WWOX: variants seen among roughly 807,000 people sequenced by gnomAD.
The protein encoded by WWOX is WW domain-containing oxidoreductase.
WWOX carries 69 observed loss-of-function variants against 46.2 expected under a neutral mutation model. The observed-to-expected ratio is 1.49, with a 90% CI of 1.23 to 1.82. WWOX has a LOEUF of 1.82. WWOX is among the 40% of genes most tolerant of loss of function. The pLI is 0.00. For missense variants in WWOX, 919 were observed against 542.6 expected (o/e 1.69, Z -6.89); for synonymous variants, 359 against 202.6 (o/e 1.77, Z -6.56).
chr16:78,584,479 G>A (rs2045144362), intron 8 of WWOX, among the ~76,000 whole-genome samples: 1 of 152,196 alleles, frequency 6.6e-6, no homozygotes, highest in Admixed American at 6.5e-5. Context: ...TGCTGAGTTT[G>A]CTGTGAGGAT....
intron 8 of WWOX, among the ~76,000 whole-genome samples, chr16:78,619,271 T>A (rs1216740591): frequency 1.2e-4 from 13 of 112,354 alleles, no homozygotes; most frequent in African/African-American, 4.1e-4. Flanking sequence ...GGCTGAGACA[T>A]GAGAATCGCT....
chr16:79,045,759 C>G (rs539528672), intron 8 of WWOX, among the ~76,000 whole-genome samples: 1 of 127,044 alleles, frequency 7.9e-6, no homozygotes, highest in Non-Finnish European at 1.6e-5. Flanking sequence ...CTCTGGAGCT[C>G]GTCTTTCCTT....
chr16:78,699,958 C>G (rs9931625), intron 8 of WWOX, among the ~76,000 whole-genome samples: 2,890 of 152,148 alleles, frequency 0.019, 33 homozygotes, highest in South Asian at 0.042. Context: ...CACAAGGTAA[C>G]TGGGGCACTC....
chr16:78,218,729 TG>T (rs1167265684), intron 5 of WWOX, among the ~76,000 whole-genome samples: 1 of 152,238 alleles, frequency 6.6e-6, no homozygotes, highest in Non-Finnish European at 1.5e-5. Flanking sequence ...GGGCCCTTTC[TG>T]GTTCAGAATG....
chr16:78,723,980 G>A (rs1244545367), intron 8 of WWOX, among the ~76,000 whole-genome samples: 3 of 152,098 alleles, frequency 2.0e-5, no homozygotes, highest in Non-Finnish European at 4.4e-5. Context: ...GGCCTCCATG[G>A]TACCCTCTGA....
At chr16:79,208,939 A>G (rs1212071827) in intron 8 of WWOX, among the ~76,000 whole-genome samples, 1 of 152,222 alleles carries the variant, frequency 6.6e-6, no homozygotes, top group East Asian at 1.9e-4. Flanking sequence ...GTGAGTACCC[A>G]TGAGCACCAA....
intron 8 of WWOX, among the ~76,000 whole-genome samples, chr16:78,745,522 CTTTTTTTTTTTTTT>C: frequency 1.1e-5 from 1 of 92,746 alleles, no homozygotes; most frequent in South Asian, 3.7e-4. Flanking sequence ...TGTGGAAATC[CTTTTTTTTTTTTTT>C]TTTTTTTTTG....
At chr16:78,985,680 A>C (rs1184447739) in intron 8 of WWOX, among the ~76,000 whole-genome samples, 1 of 152,192 alleles carries the variant, frequency 6.6e-6, no homozygotes, top group Non-Finnish European at 1.5e-5. Context: ...GAGGCAGGAG[A>C]ATTGCTTGAA....
At chr16:78,268,864 CT>C (rs2079420124) in intron 5 of WWOX, among the ~76,000 whole-genome samples, 1 of 151,928 alleles carries the variant, frequency 6.6e-6, no homozygotes, top group Non-Finnish European at 1.5e-5. Context: ...AATTATAGAG[CT>C]GTCTAAAGGA....
rs1567519434 is a variant in WWOX, at chr16:78,728,047, C to CGT, written c.1056+295295_1056+295296insGT. ...TAACTCCCTTCCTCTTTCCTCTCTC[C>CGT]CTCCTTCCTTTTTTTTTTTTTTTTT... On this transcript the variant is annotated intron_variant, in intron 8 of 8. Coordinates refer to ENST00000566780, the MANE Select transcript of WWOX (RefSeq NM_016373.4). Among the ~76,000 whole-genome samples, 40 of 94,748 alleles carry CGT rather than the reference C, an allele frequency of 4.2e-4. No individual in the cohort carries two copies. In the East Asian group the frequency reaches 6.8e-3, roughly 16 times the overall value. 62.2% of individuals were successfully genotyped at this position (94,748 alleles called of 152,430 possible).
chr16:78,959,094 A>T (rs2046224484), intron 8 of WWOX, among the ~76,000 whole-genome samples: 2 of 152,190 alleles, frequency 1.3e-5, no homozygotes, highest in African/African-American at 2.4e-5. Context: ...TGAGATTAGT[A>T]AGACCATCTT....
intron 8 of WWOX, among the ~76,000 whole-genome samples, chr16:79,067,137 C>G (rs1040013816): frequency 1.3e-5 from 2 of 152,230 alleles, no homozygotes; most frequent in African/African-American, 4.8e-5. Flanking sequence ...TGTCTAGGGC[C>G]TGTCTGGGGC....
At chr16:78,660,496 G>A (rs1190708346) in intron 8 of WWOX, among the ~76,000 whole-genome samples, 1 of 152,096 alleles carries the variant, frequency 6.6e-6, no homozygotes, top group Non-Finnish European at 1.5e-5. Context: ...AACATTCAAA[G>A]CTCCTTCTGT....
intron 8 of WWOX, chr16:78,898,759 A>G (rs1490125114): frequency 6.6e-6 from 1 of 152,108 alleles, no homozygotes; most frequent in African/African-American, 2.4e-5. Flanking sequence ...GCATCTCTCC[A>G]TTTATTTAAG....
chr16:78,753,998 A>G (rs2142462418), intron 8 of WWOX, among the ~76,000 whole-genome samples: 1 of 151,586 alleles, frequency 6.6e-6, no homozygotes, highest in South Asian at 2.1e-4. Flanking sequence ...GAGATATGCC[A>G]AAGAGAATGA....
intron 7 of WWOX, among the ~76,000 whole-genome samples, chr16:78,427,264 G>C (rs1249105799): frequency 1.3e-5 from 2 of 152,180 alleles, no homozygotes; most frequent in South Asian, 4.1e-4. Flanking sequence ...ATACTAGACT[G>C]CTCCAAGGCA....
chr16:79,006,541 C>A (rs576857749), intron 8 of WWOX, among the ~76,000 whole-genome samples: 1 of 151,778 alleles, frequency 6.6e-6, no homozygotes, highest in Admixed American at 6.6e-5. Context: ...ATCCAACAGA[C>A]ATTTGTGAGG....
intron 8 of WWOX, among the ~76,000 whole-genome samples, chr16:78,647,436 C>A (rs1124434): frequency 1.3e-5 from 2 of 151,834 alleles, no homozygotes; most frequent in African/African-American, 4.8e-5. Context: ...GATTAGCACA[C>A]GGTTCCATGA....
intron 8 of WWOX, among the ~76,000 whole-genome samples, chr16:79,117,983 G>A (rs1398325824): frequency 6.6e-6 from 1 of 152,206 alleles, no homozygotes; most frequent in East Asian, 1.9e-4. Flanking sequence ...TATCATTTGT[G>A]TGTTCACTAG....
Sources: gnomAD v4.1 joint callset for allele counts (sites outside exome capture counted in the v4.1 genomes callset) on GRCh38, gnomAD v4.1.1 for gene constraint, MANE v1.5 for transcripts, NCBI Gene and HGNC (gene_info 2026-07-23, HGNC 2026-07-21) for gene names.